CDH1: variants seen among roughly 807,000 people sequenced by gnomAD.
CDH1 encodes cadherin-1.
Under a neutral mutation model 84.5 loss-of-function variants are expected in CDH1, and 35 were observed. That is an observed-to-expected ratio of 0.41 (90% CI 0.32 to 0.55). The LOEUF is 0.55. CDH1 is among the 20% of genes least tolerant of loss of function. The pLI, the probability that CDH1 is intolerant of heterozygous loss-of-function variation, is 0.19. For synonymous variants in CDH1, 417 were observed against 439.0 expected, an observed-to-expected ratio of 0.95 and a Z score of 0.63; for missense variants, 994 against 1,126.6, an observed-to-expected ratio of 0.88 and a Z score of 1.68.
At chr16:68,780,307 GTTTA>G (rs1216983881) in intron 2 of CDH1, among the ~76,000 whole-genome samples, 1 of 151,832 alleles carries the variant, frequency 6.6e-6, no homozygotes, top group Non-Finnish European at 1.5e-5. Flanking sequence ...ATTATTTTTT[GTTTA>G]TTTATTTTGA....
At position 68,835,441 on chromosome 16, in the gene CDH1, G is replaced by T. The variant is rs1961610720; in HGVS notation, c.*1942G>T. On this transcript the variant is annotated 3_prime_UTR_variant, in exon 16 of 16. Coordinates refer to ENST00000261769, the MANE Select transcript of CDH1 (RefSeq NM_004360.5). ...TACATGTGTGGGTGCTGATAATTGT[G>T]TATTTTCTTTGGGGGTGGAAAAGGA... 1 of 215,456 alleles carries T rather than the reference G, an allele frequency of 4.6e-6. No homozygotes were observed. Among genetic ancestry groups the T allele is most frequent in the Admixed American group, 5.8e-5 (1 of 17,112 alleles). 13.3% of individuals were successfully genotyped at this position (215,456 alleles called of 1,614,324 possible). A position where few individuals can be genotyped will look rare whatever the true frequency, so the allele number is the denominator to read the frequency against.
intron 2 of CDH1, among the ~76,000 whole-genome samples, chr16:68,777,222 C>T (rs756385555): frequency 2.6e-5 from 4 of 152,184 alleles, no homozygotes; most frequent in Non-Finnish European, 5.9e-5. Context: ...GGTCAAGAGC[C>T]ACGGGCTCTG....
rs114861467 is a variant in CDH1, at chr16:68,815,553, C to T, written c.1359C>T (p.His453=). Residue 453 remains histidine, a synonymous_variant, in exon 10 of 16, where the codon CAC becomes CAT. Coordinates refer to ENST00000261769, the MANE Select transcript of CDH1 (RefSeq NM_004360.5). The part of the protein sequence containing the change: ...DFEAKQQYIL[H]VAVTNVVPFE... ...AGGCCAAGCAGCAGTACATTCTACA[C>T]GTAGCAGTGACGAATGTGGTACCTT... is the stretch of plus-strand genomic sequence containing the variant. 128 of 1,614,230 alleles carry T rather than the reference C, an allele frequency of 7.9e-5. 1 individual carries two copies. In the Admixed American group the frequency reaches 9.7e-4, roughly 12 times the overall value.
At position 68,813,324 on chromosome 16, in the gene CDH1, G is replaced by C. The variant is rs786202510; in HGVS notation, c.1149G>C (p.Gln383His). Residue 383 changes from glutamine (Q) to histidine (H), a missense_variant, in exon 9 of 16, where the codon CAG becomes CAC. Around this residue, in one of 3 missense-constraint regions of CDH1, gnomAD observed 769 missense variants for 881.8 expected, o/e 0.87. Coordinates refer to ENST00000261769, the MANE Select transcript of CDH1 (RefSeq NM_004360.5). ...TCTTTGCTCTGCAGTACAAGGGTCA[G>C]GTGCCTGAGAACGAGGCTAACGTCG... ...PIFNPTTYKG[Q>H]VPENEANVVI... 1.4e-5 allele frequency: 22 copies of C among 1,614,196 alleles called. No individual in the cohort carries two copies. The highest frequency in any genetic ancestry group is 1.8e-5 in the Non-Finnish European group (21 of 1,180,032).
At chr16:68,781,444 A>T (rs1019604059) in intron 2 of CDH1, among the ~76,000 whole-genome samples, 1 of 152,098 alleles carries the variant, frequency 6.6e-6, no homozygotes, top group Non-Finnish European at 1.5e-5. Context: ...GGCTCAAGCA[A>T]TTAACTCCAC....
In CDH1 at chr16:68,829,642, T is replaced by C. The variant is rs1555517817; in HGVS notation, c.2296-12T>C. ...CTACTCTTCATTGTACTTCAACCTTTTTTCTCCAAAGGACTTTGACTTGAG... is the reference window on the plus strand; with the variant it reads ...CTACTCTTCATTGTACTTCAACCTTCTTTCTCCAAAGGACTTTGACTTGAG... On this transcript the variant is annotated splice_polypyrimidine_tract_variant and intron_variant, in intron 14 of 15. Coordinates refer to ENST00000261769, the MANE Select transcript of CDH1 (RefSeq NM_004360.5). The C allele has an allele frequency of 1.9e-6, 3 of 1,614,056 alleles. No individual in the cohort carries two copies. The highest frequency in any genetic ancestry group is 1.6e-4 in the Middle Eastern group (1 of 6,062).
chr16:68,816,238 G>A (rs976031009), intron 10 of CDH1, among the ~76,000 whole-genome samples: 34 of 152,102 alleles, frequency 2.2e-4, no homozygotes, highest in African/African-American at 7.2e-4. Context: ...GGCTGGTCTC[G>A]AACTTCTGAC....
At position 68,819,355 on chromosome 16, in the gene CDH1, G is replaced by A. The variant is rs778565234; in HGVS notation, c.1641G>A (p.Glu547=). The change falls in exon 11 of 16, where the codon GAG becomes GAA. Residue 547 remains glutamate (E), a synonymous_variant. Coordinates refer to ENST00000261769, the MANE Select transcript of CDH1 (RefSeq NM_004360.5). Reference sequence around the variant, plus strand: ...CTGGTGCCATTTCCACTCGGGCTGAGCTGGACAGGGAGGATTTTGAGCACG... The same window carrying A: ...CTGGTGCCATTTCCACTCGGGCTGAACTGGACAGGGAGGATTTTGAGCACG... ...PDTGAISTRA[E]LDREDFEHVK... The A allele has an allele frequency of 1.2e-6, 2 of 1,614,110 alleles. No individual in the cohort carries two copies. Among genetic ancestry groups the A allele is most frequent in the Non-Finnish European group, 1.7e-6 (2 of 1,180,018 alleles).
chr16:68,811,831 G>C lies in CDH1; in HGVS notation c.980G>C (p.Ser327Thr), dbSNP rs587781778. ...FTINRNTGVI[S>T]VVTTGLDRES... The stretch of plus-strand genomic sequence containing the variant: ...ATTAACAGGAACACAGGAGTCATCA[G>C]TGTGGTCACCACTGGGCTGGACCGA... The change falls in exon 7 of 16, where the codon AGT becomes ACT. Residue 327 changes from serine to threonine, a missense_variant. Physicochemically the swap from Ser to Thr is moderately conservative, Grantham distance 58. Coordinates refer to ENST00000261769, the MANE Select transcript of CDH1 (RefSeq NM_004360.5). 2 of 1,614,084 alleles carry C rather than the reference G, an allele frequency of 1.2e-6. No individual in the cohort carries two copies. Among genetic ancestry groups the C allele is most frequent in the Non-Finnish European group, 1.7e-6 (2 of 1,180,052 alleles).
At chr16:68,746,729 C>T (rs925908511) in intron 2 of CDH1, among the ~76,000 whole-genome samples, 1 of 152,094 alleles carries the variant, frequency 6.6e-6, no homozygotes, top group Admixed American at 6.6e-5. Context: ...GGGAGGATCA[C>T]TTGAGGTCAG....
intron 2 of CDH1, among the ~76,000 whole-genome samples, chr16:68,789,019 T>C (rs1000761516): frequency 3.3e-5 from 5 of 151,510 alleles, no homozygotes; most frequent in African/African-American, 1.2e-4. Context: ...AATGAATGAA[T>C]AAATAAAAGA....
At chr16:68,744,430 C>G (rs961459198) in intron 2 of CDH1, among the ~76,000 whole-genome samples, 4 of 152,182 alleles carry the variant, frequency 2.6e-5, no homozygotes, top group Non-Finnish European at 5.9e-5. Context: ...ATCCCCATCT[C>G]TAGCCATCTC....
chr16:68,803,038 G>A (rs1960557170), intron 3 of CDH1, among the ~76,000 whole-genome samples: 1 of 152,174 alleles, frequency 6.6e-6, no homozygotes, highest in Non-Finnish European at 1.5e-5. Flanking sequence ...TTCGAAGCCA[G>A]TTTCTCAAGT....
chr16:68,824,521 T>C (rs1260135616), intron 13 of CDH1, among the ~76,000 whole-genome samples: 2 of 152,106 alleles, frequency 1.3e-5, no homozygotes, highest in Non-Finnish European at 2.9e-5. Flanking sequence ...TTATATACCA[T>C]TGGCCCAAAC....
intron 2 of CDH1, among the ~76,000 whole-genome samples, chr16:68,743,306 T>C (rs1046581305): frequency 1.2e-4 from 2 of 16,350 alleles, no homozygotes; most frequent in South Asian, 3.4e-3. Flanking sequence ...TTTCTTTCTT[T>C]CTTTCTTTCT....
In CDH1 at chr16:68,811,987, G is replaced by C. The variant is rs867419178; in HGVS notation, c.1008+128G>C. ...GTGATGGTCTAAGCTTTGCATCTAAGCTTGTGCCCAGAGGTTCCGTGCCTA... is the reference window on the plus strand; with the variant it reads ...GTGATGGTCTAAGCTTTGCATCTAACCTTGTGCCCAGAGGTTCCGTGCCTA... On this transcript the variant is annotated intron_variant, in intron 7 of 15. Transcript: ENST00000261769. 4 of 1,376,140 alleles carry C rather than the reference G, an allele frequency of 2.9e-6. No homozygotes were observed. The African/African-American group carries it at 4.8e-5, about 17-fold the overall frequency. 85.2% of individuals were successfully genotyped at this position (1,376,140 alleles called of 1,614,324 possible). A position where few individuals can be genotyped will look rare whatever the true frequency, so the allele number is the denominator to read the frequency against.
chr16:68,821,480 A>AAAG (rs1422876645), intron 11 of CDH1, among the ~76,000 whole-genome samples: 1 of 151,850 alleles, frequency 6.6e-6, no homozygotes, highest in Non-Finnish European at 1.5e-5. Context: ...AAAAAAAAAA[A>AAAG]AAAAAGCGTA....
At chr16:68,745,546 A>T (rs1271853573) in intron 2 of CDH1, among the ~76,000 whole-genome samples, 4,985 of 78,116 alleles carry the variant, frequency 0.064, 194 homozygotes, top group Non-Finnish European at 0.074. Flanking sequence ...AAAAAAAAAA[A>T]AAAATATATA....
chr16:68,807,397 C>A (rs945582695), intron 3 of CDH1, among the ~76,000 whole-genome samples: 1 of 152,072 alleles, frequency 6.6e-6, no homozygotes, highest in Non-Finnish European at 1.5e-5. Flanking sequence ...AGGCTGGGTG[C>A]GGTGACTCAC....
Sources: gnomAD v4.1 joint callset for allele counts (sites outside exome capture counted in the v4.1 genomes callset) on GRCh38, gnomAD v4.1.1 for gene constraint, gnomAD v4.1.1 regional missense constraint, MANE v1.5 for transcripts, NCBI Gene and HGNC (gene_info 2026-07-23, HGNC 2026-07-21) for gene names.